SYT16: variants seen among roughly 807,000 people sequenced by gnomAD.
The protein encoded by SYT16 is synaptotagmin-16.
Under a neutral mutation model 61.4 loss-of-function variants are expected in SYT16, and 42 were observed. The ratio of observed to expected loss-of-function variants is 0.68; its 90% CI spans 0.53 to 0.89. The LOEUF (loss-of-function observed/expected upper bound fraction) is 0.89. SYT16 is among the 40% of genes least tolerant of loss of function. The pLI, the probability that SYT16 is intolerant of heterozygous loss-of-function variation, is 0.00. For missense variants in SYT16, 804 were observed against 807.3 expected (o/e 1.00, Z 0.05); for synonymous variants, 314 against 302.3 (o/e 1.04, Z -0.40).
At chr14:61,864,765 C>T in intron 1 of SYT16, 1 of 955,088 alleles carries the variant, frequency 1.0e-6, no homozygotes, top group Non-Finnish European at 1.6e-6. Context: ...ACGCATGTGG[C>T]TGGCCGGTTG....
At chr14:62,025,961 T>C (rs1190539267) in intron 3 of SYT16, among the ~76,000 whole-genome samples, 3 of 152,232 alleles carry the variant, frequency 2.0e-5, no homozygotes, top group Non-Finnish European at 2.9e-5. Context: ...AATATTAAAC[T>C]ATTCTTGAAT....
intron 1 of SYT16, among the ~76,000 whole-genome samples, chr14:61,934,079 T>A (rs2049882770): frequency 6.6e-6 from 1 of 152,220 alleles, no homozygotes; most frequent in African/African-American, 2.4e-5. Flanking sequence ...TTTTGCTGCA[T>A]ATACTTTTTC....
At position 61,816,821 on chromosome 14, in the gene SYT16, C is replaced by T. The variant is rs960811081; in HGVS notation, c.-325+4011C>T. Among the ~76,000 whole-genome samples the T allele has an allele frequency of 2.6e-5, 4 of 151,588 alleles. No individual in the cohort carries two copies. In the East Asian group the frequency reaches 7.9e-4, roughly 30 times the overall value. The stretch of plus-strand genomic sequence containing the variant: ...GGTCAGGAGATGAAGACCATCCTGG[C>T]TAACATGGTGAAACCCCGTCTCCAC... On this transcript the variant is annotated intron_variant, in intron 1 of 7. Transcript: ENST00000683842.
intron 3 of SYT16, among the ~76,000 whole-genome samples, chr14:62,000,481 C>G (rs996565222): frequency 4.0e-5 from 6 of 151,836 alleles, no homozygotes; most frequent in African/African-American, 1.2e-4. Context: ...ATAATTGGGT[C>G]TTACTTTTTA....
chr14:62,020,443 G>A (rs1350637770), intron 3 of SYT16, among the ~76,000 whole-genome samples: 1 of 151,920 alleles, frequency 6.6e-6, no homozygotes. Context: ...TTCTCTCTCC[G>A]TCTTTAGAAT....
At chr14:61,834,428 CTTTTTTTT>C (rs35260303) in intron 1 of SYT16, among the ~76,000 whole-genome samples, 3 of 76,852 alleles carry the variant, frequency 3.9e-5, no homozygotes, top group African/African-American at 2.0e-4. Flanking sequence ...CCGTGCCTGG[CTTTTTTTT>C]TTTTTTTTTT....
chr14:61,814,137 T>A (rs1353620816), intron 1 of SYT16, among the ~76,000 whole-genome samples: 1 of 152,216 alleles, frequency 6.6e-6, no homozygotes, highest in Non-Finnish European at 1.5e-5. Flanking sequence ...TCATCTGATA[T>A]GTGTGGGGAT....
At chr14:61,929,972 A>G (rs1235521561) in intron 1 of SYT16, among the ~76,000 whole-genome samples, 1 of 152,194 alleles carries the variant, frequency 6.6e-6, no homozygotes, top group Non-Finnish European at 1.5e-5. Context: ...CTTTAAAACT[A>G]TGGAAACATA....
rs2057558795 is a variant in SYT16 at position 62,109,006 on chromosome 14, C to T, written c.*8299C>T. On this transcript the variant is annotated 3_prime_UTR_variant, in exon 8 of 8. Transcript: ENST00000683842. ...CACCACAGTGCTATATTTGTTACAACTGATGAACCTTCATTGACATAACAT... is the reference window on the plus strand; with the variant it reads ...CACCACAGTGCTATATTTGTTACAATTGATGAACCTTCATTGACATAACAT... 6.6e-6 allele frequency: 1 copy of T among 152,198 alleles called. No individual in the cohort carries two copies. Among genetic ancestry groups the T allele is most frequent in the South Asian group, 2.1e-4 (1 of 4,828 alleles). The allele number at this position is 152,198 out of a possible 1,614,324, so 9.4% of individuals were successfully genotyped here. A position where few individuals can be genotyped will look rare whatever the true frequency, so the allele number is the denominator to read the frequency against.
At chr14:62,092,516 G>T (rs186291601) in intron 7 of SYT16, among the ~76,000 whole-genome samples, 45 of 152,026 alleles carry the variant, frequency 3.0e-4, no homozygotes, top group Admixed American at 3.3e-4. Flanking sequence ...GCAAAATGTG[G>T]TATATACATA....
intron 3 of SYT16, among the ~76,000 whole-genome samples, chr14:62,022,941 G>C (rs2053968453): frequency 6.6e-6 from 1 of 152,058 alleles, no homozygotes; most frequent in Non-Finnish European, 1.5e-5. Context: ...AAATATTCAT[G>C]CTTAAAAAAT....
chr14:62,050,807 G>A (rs2055243916), intron 3 of SYT16, among the ~76,000 whole-genome samples: 1 of 152,146 alleles, frequency 6.6e-6, no homozygotes, highest in Non-Finnish European at 1.5e-5. Flanking sequence ...AACCGCAAAT[G>A]CTGCTGCCTG....
chr14:62,059,692 G>GTAATTTATATATATGTA lies in SYT16; in HGVS notation c.524-9909_524-9908insATTTATATATATGTATA, dbSNP rs1555378071. On this transcript the variant is annotated intron_variant, in intron 3 of 7. Coordinates refer to ENST00000683842, the MANE Select transcript of SYT16 (RefSeq NM_001367656.1). ...ATACATATATATAATTTATATATAT[G>GTAATTTATATATATGTA]TATATATATACATATAATTTTTATA... 4.2e-3 allele frequency among the ~76,000 whole-genome samples: 615 copies of GTAATTTATATATATGTA among 145,194 alleles called. 5 individuals are homozygous for GTAATTTATATATATGTA. Among genetic ancestry groups the GTAATTTATATATATGTA allele is most frequent in the African/African-American group, 0.015 (588 of 39,726 alleles).
At chr14:62,032,354 G>C (rs2054338931) in intron 3 of SYT16, among the ~76,000 whole-genome samples, 6 of 151,986 alleles carry the variant, frequency 3.9e-5, no homozygotes. Flanking sequence ...TTCTTGGTAA[G>C]ATAAGAGTTA....
chr14:61,847,091 C>T (rs1348039599), intron 1 of SYT16, among the ~76,000 whole-genome samples: 1 of 152,134 alleles, frequency 6.6e-6, no homozygotes, highest in Non-Finnish European at 1.5e-5. Flanking sequence ...AGTTTACACA[C>T]CACAGTTAGA....
chr14:61,894,692 G>A (rs2048265815), intron 1 of SYT16, among the ~76,000 whole-genome samples: 1 of 152,146 alleles, frequency 6.6e-6, no homozygotes, highest in African/African-American at 2.4e-5. Context: ...GCCCAGTGTG[G>A]TCTTCTCAGA....
At chr14:62,091,307 T>A (rs1234235273) in intron 7 of SYT16, among the ~76,000 whole-genome samples, 1 of 152,086 alleles carries the variant, frequency 6.6e-6, no homozygotes, top group Non-Finnish European at 1.5e-5. Context: ...TTGACAGAGT[T>A]TTTCATTAGG....
chr14:61,834,564 A>G (rs1191791797), intron 1 of SYT16, among the ~76,000 whole-genome samples: 2 of 148,832 alleles, frequency 1.3e-5, no homozygotes, highest in South Asian at 2.1e-4. Context: ...CAGCCTCCCA[A>G]GTAGCTGGGA....
intron 3 of SYT16, among the ~76,000 whole-genome samples, chr14:62,046,109 A>C (rs953834313): frequency 6.6e-6 from 1 of 152,066 alleles, no homozygotes; most frequent in African/African-American, 2.4e-5. Flanking sequence ...CCTCTCCAGC[A>C]CCTGTTGTTT....
Sources: gnomAD v4.1 joint callset for allele counts (sites outside exome capture counted in the v4.1 genomes callset) on GRCh38, gnomAD v4.1.1 for gene constraint, MANE v1.5 for transcripts, NCBI Gene and HGNC (gene_info 2026-07-23, HGNC 2026-07-21) for gene names.